AP1G1: variants seen among roughly 807,000 people sequenced by gnomAD.
The protein encoded by AP1G1 is adaptor related protein complex 1 subunit gamma 1.
A neutral mutation model predicts 108.3 loss-of-function variants in AP1G1; 7 were observed. The ratio of observed to expected loss-of-function variants is 0.06; its 90% CI spans 0.04 to 0.12. The LOEUF (loss-of-function observed/expected upper bound fraction) is 0.12, where lower values mean the gene tolerates loss of function less well. AP1G1 is among the 10% of genes least tolerant of loss of function. The pLI is 1.00. For missense variants in AP1G1, 756 were observed against 1,010.7 expected (o/e 0.75, Z 3.42); for synonymous variants, 379 against 353.5 (o/e 1.07, Z -0.81).
intron 16 of AP1G1, 118 bp downstream of exon 16, chr16:71,748,130 GTTA>G: frequency 9.8e-7 from 1 of 1,017,346 alleles, no homozygotes; most frequent in Non-Finnish European, 1.4e-6. Context: ...GGAAATTTGT[GTTA>G]TTATTCTCTC....
chr16:71,732,884 T>C lies in AP1G1; in HGVS notation c.*174A>G. On this transcript the variant is annotated 3_prime_UTR_variant, in exon 23 of 23. Coordinates refer to ENST00000299980, the MANE Select transcript of AP1G1 (RefSeq NM_001128.6). ...GCCTCAACAGTGGAGGAGAGGACAT[T>C]AGTCTTTAACAATGCTTCAAGGTCA... 1.8e-6 allele frequency: 1 copy of C among 568,354 alleles called. No individual in the cohort carries two copies. The highest frequency in any genetic ancestry group is 3.0e-5 in the East Asian group (1 of 33,868). The allele number at this position is 568,354 out of a possible 1,614,324, so 35.2% of individuals were successfully genotyped here.
chr16:71,749,797 G>T, intron 15 of AP1G1, 97 bp downstream of exon 15: 1 of 1,077,034 alleles, frequency 9.3e-7, no homozygotes. Flanking sequence ...GGCCTAAAAA[G>T]TTTTCAAGGA....
chr16:71,764,731 C>A lies in AP1G1; in HGVS notation c.739-5G>T, dbSNP rs770899514. 133 of 1,599,296 alleles carry A rather than the reference C, an allele frequency of 8.3e-5. No individual in the cohort carries two copies. The highest frequency in any genetic ancestry group is 1.1e-4 in the Non-Finnish European group (126 of 1,173,286). Reference sequence around the variant, plus strand: ...TAATAACCGCAAAATTCGTACCTAACGTGCAAAAGATGAGAGGTGTCAACA... The same window carrying A: ...TAATAACCGCAAAATTCGTACCTAAAGTGCAAAAGATGAGAGGTGTCAACA... On this transcript the variant is annotated splice_region_variant and splice_polypyrimidine_tract_variant and intron_variant, in intron 7 of 22. Transcript: ENST00000299980.
Position 71,791,558 on chromosome 16 carries a change from G to A in AP1G1, c.-3-2076C>T, listed in dbSNP as rs536261766. On this transcript the variant is annotated intron_variant, in intron 1 of 22. Transcript: ENST00000299980. The stretch of plus-strand genomic sequence containing the variant: ...AAGTTAGCCAAACATAGTGGCACAC[G>A]ACTACTGTCCCAGCTACTCAGGAGA... Among the ~76,000 whole-genome samples, 12 of 151,638 alleles carry A rather than the reference G, an allele frequency of 7.9e-5. No individual in the cohort carries two copies. In the East Asian group the frequency reaches 1.4e-3, roughly 17 times the overall value.
rs2031225417 is a variant in AP1G1 at position 71,764,269 on chromosome 16, C to T, written c.918+81G>A. On this transcript the variant is annotated intron_variant, in intron 9 of 22. Coordinates refer to ENST00000299980, the MANE Select transcript of AP1G1 (RefSeq NM_001128.6). ...TTAAAGTCGAGTTCCAAATGGAATA[C>T]AATTCTGAAGTACTGAAGTCCAAGT... 7.9e-6 allele frequency: 6 copies of T among 755,252 alleles called. No individual in the cohort carries two copies. The East Asian group carries it at 1.5e-4, about 18-fold the overall frequency. 46.8% of individuals were successfully genotyped at this position (755,252 alleles called of 1,614,324 possible).
In AP1G1 at chr16:71,756,157, C is replaced by T; in HGVS notation, c.1091G>A (p.Arg364His). ...LKDLDVSIKR[R>H]AMELSFALVN... The stretch of plus-strand genomic sequence containing the variant: ...CAGGGCAAAACTCAATTCCATTGCA[C>T]GCCTTGCAGAAGGGAAAAATTAAAA... The change falls in exon 12 of 23, where the codon CGT (arginine) becomes CAT (histidine). Residue 364 changes from arginine to histidine, a missense_variant and splice_region_variant. Coordinates refer to ENST00000299980, the MANE Select transcript of AP1G1 (RefSeq NM_001128.6). The T allele has an allele frequency of 2.5e-6, 4 of 1,606,416 alleles. No homozygotes were observed. Among genetic ancestry groups the T allele is most frequent in the Non-Finnish European group, 3.4e-6 (4 of 1,177,646 alleles).
chr16:71,753,068 A>T (rs1007898981), intron 13 of AP1G1, among the ~76,000 whole-genome samples: 1 of 152,106 alleles, frequency 6.6e-6, no homozygotes, highest in Non-Finnish European at 1.5e-5. Context: ...TCAATTTTTA[A>T]ATTTTAATAT....
At chr16:71,749,286 A>G (rs2030356247) in intron 15 of AP1G1, among the ~76,000 whole-genome samples, 1 of 151,952 alleles carries the variant, frequency 6.6e-6, no homozygotes, top group African/African-American at 2.4e-5. Flanking sequence ...GTTCAAGACC[A>G]GCCTGGGCAA....
At chr16:71,769,111 C>T (rs1371362625) in intron 6 of AP1G1, among the ~76,000 whole-genome samples, 1 of 150,932 alleles carries the variant, frequency 6.6e-6, no homozygotes, top group Admixed American at 6.6e-5. Flanking sequence ...GGTGAAACCC[C>T]GACTCTCCTA....
At chr16:71,748,471 G>C in intron 15 of AP1G1, 93 bp from the exon 16 acceptor site, 2 of 1,394,034 alleles carry the variant, frequency 1.4e-6, no homozygotes, top group Non-Finnish European at 1.9e-6. Context: ...CAGCCAGAAA[G>C]ACAATCCTAC....
Position 71,789,611 on chromosome 16 carries a change from G to A in AP1G1, c.-3-129C>T. On this transcript the variant is annotated intron_variant, in intron 1 of 22. Transcript: ENST00000299980. ...GACTTGCCAAATCCAGCTTAGCGAA[G>A]CTAAACAAAGCGTGCTAAGCTTCCG... 8.0e-6 allele frequency: 7 copies of A among 878,062 alleles called. No homozygotes were observed. In the South Asian group the frequency reaches 1.2e-4, roughly 15 times the overall value. The allele number at this position is 878,062 out of a possible 1,614,324, so 54.4% of individuals were successfully genotyped here. A position where few individuals can be genotyped will look rare whatever the true frequency, so the allele number is the denominator to read the frequency against.
intron 6 of AP1G1, chr16:71,767,759 G>T: frequency 9.7e-7 from 1 of 1,026,402 alleles, no homozygotes; most frequent in Non-Finnish European, 1.5e-6. Flanking sequence ...ATAACTCACA[G>T]TATTAAGCAC....
At chr16:71,808,313 C>A in intron 1 of AP1G1, 1 of 774,394 alleles carries the variant, frequency 1.3e-6, no homozygotes, top group South Asian at 2.1e-5. Context: ...GGGCAGGCAG[C>A]GATTAACTGG....
rs142895459 is a variant in AP1G1, at chr16:71,739,083, T to C, written c.2127A>G (p.Ala709=). The C allele has an allele frequency of 2.8e-5, 45 of 1,614,228 alleles. No individual in the cohort carries two copies. The African/African-American group carries it at 3.9e-4, about 14-fold the overall frequency. ...CTATCTTCAAGCCATTCTTACTGTA[T>C]GCTGTGATGGAGGGGATGCCTGAGA... The part of the protein sequence containing the change: ...DIAAGIPSIT[A]YSKNGLKIEF... Residue 709 remains alanine, a synonymous_variant, in exon 21 of 23, where the codon GCA becomes GCG. Transcript: ENST00000299980.
At chr16:71,780,683 T>G (rs555192703) in intron 2 of AP1G1, among the ~76,000 whole-genome samples, 5 of 152,232 alleles carry the variant, frequency 3.3e-5, no homozygotes, top group African/African-American at 1.2e-4. Context: ...CAAGCTGAAG[T>G]ACAATGGCAT....
chr16:71,743,975 T>A (rs1466846799), intron 19 of AP1G1, among the ~76,000 whole-genome samples: 2 of 142,906 alleles, frequency 1.4e-5, no homozygotes, highest in Non-Finnish European at 3.0e-5. Flanking sequence ...CCAGGCGAAG[T>A]GGCTCACGCC....
rs889372784 is a variant in AP1G1, at chr16:71,729,445, A to C, written c.*3613T>G. On this transcript the variant is annotated 3_prime_UTR_variant, in exon 23 of 23. Transcript: ENST00000299980. Reference sequence around the variant, plus strand: ...TCTTTGAGGGAAGAAAAAAAAAAAAAAAAAAACCAACTCCAAGGCTCCATC... The same window carrying C: ...TCTTTGAGGGAAGAAAAAAAAAAAACAAAAAACCAACTCCAAGGCTCCATC... 1 of 151,824 alleles carries C rather than the reference A, an allele frequency of 6.6e-6. No individual in the cohort carries two copies. Among genetic ancestry groups the C allele is most frequent in the African/African-American group, 2.4e-5 (1 of 41,346 alleles). The allele number at this position is 151,824 out of a possible 1,614,324, so 9.4% of individuals were successfully genotyped here.
At chr16:71,787,524 T>A (rs1457629266) in intron 2 of AP1G1, among the ~76,000 whole-genome samples, 2 of 152,162 alleles carry the variant, frequency 1.3e-5, no homozygotes, top group Non-Finnish European at 2.9e-5. Flanking sequence ...AGAACTTCCT[T>A]GGGAATATGT....
rs770646672 is a variant in AP1G1, at chr16:71,761,587, G to A, written c.919-20C>T. 7 of 1,587,840 alleles carry A rather than the reference G, an allele frequency of 4.4e-6. No homozygotes were observed. Among genetic ancestry groups the A allele is most frequent in the Non-Finnish European group, 6.0e-6 (7 of 1,160,210 alleles). On this transcript the variant is annotated intron_variant, in intron 9 of 22. Transcript: ENST00000299980. The stretch of plus-strand genomic sequence containing the variant: ...TAGGACCTAAAGAGAAACAGCATAG[G>A]TCGAAATTTAGGAAAATGGAAGTTT...
Sources: gnomAD v4.1 joint callset for allele counts (sites outside exome capture counted in the v4.1 genomes callset) on GRCh38, gnomAD v4.1.1 for gene constraint, MANE v1.5 for transcripts, NCBI Gene and HGNC (gene_info 2026-07-23, HGNC 2026-07-21) for gene names.